The following CTTN variants were observed in gnomAD, a reference collection of about 807,000 sequenced individuals.
CTTN encodes src substrate cortactin.
In CTTN, 28 loss-of-function variants were observed where a neutral mutation model predicts 84.0. The ratio of observed to expected loss-of-function variants is 0.33; its 90% CI spans 0.25 to 0.46. The LOEUF (loss-of-function observed/expected upper bound fraction) is 0.46. CTTN is among the 20% of genes least tolerant of loss of function. CTTN has a pLI of 1.00. For missense variants in CTTN, 641 were observed against 723.8 expected, an observed-to-expected ratio of 0.89 and a Z score of 1.31; for synonymous variants, 301 against 288.8, an observed-to-expected ratio of 1.04 and a Z score of -0.43.
chr11:70,407,868 G>A (rs534467189), intron 4 of CTTN: 30 of 412,746 alleles, frequency 7.3e-5, no homozygotes, highest in African/African-American at 5.4e-4. Flanking sequence ...TAGAGTGTCC[G>A]CTTCTCAGTA....
Position 70,405,377 on chromosome 11 carries a change from G to C in CTTN, c.-1+16G>C, listed in dbSNP as rs1164675144. On this transcript the variant is annotated intron_variant, in intron 2 of 17. Transcript: ENST00000301843. ...GGAAAGAAAGGTACTTGTGCATTGT[G>C]AACATCCTAACATTCTTTTCCTGTG... 2 of 152,202 alleles carry C rather than the reference G, an allele frequency of 1.3e-5. No individual in the cohort carries two copies. The highest frequency in any genetic ancestry group is 4.8e-5 in the African/African-American group (2 of 41,448). 9.4% of individuals were successfully genotyped at this position (152,202 alleles called of 1,614,324 possible). A position where few individuals can be genotyped will look rare whatever the true frequency, so the allele number is the denominator to read the frequency against.
chr11:70,415,147 G>T (rs761291790), intron 6 of CTTN, among the ~76,000 whole-genome samples: 3 of 152,178 alleles, frequency 2.0e-5, no homozygotes, highest in Non-Finnish European at 4.4e-5. Context: ...GGAGGGAGCA[G>T]GGAGCTGATG....
chr11:70,429,658 GC>G (rs1420146500), intron 14 of CTTN, among the ~76,000 whole-genome samples: 2 of 152,098 alleles, frequency 1.3e-5, no homozygotes, highest in Non-Finnish European at 2.9e-5. Flanking sequence ...TGCTTGGCCA[GC>G]CCAGCCCCGC....
At chr11:70,430,908 G>A (rs897193006) in intron 14 of CTTN, among the ~76,000 whole-genome samples, 1 of 151,950 alleles carries the variant, frequency 6.6e-6, no homozygotes, top group African/African-American at 2.4e-5. Flanking sequence ...CTAGGTGCTG[G>A]TGGGATCTGA....
At chr11:70,418,709 A>G (rs1441065966) in intron 8 of CTTN, among the ~76,000 whole-genome samples, 1 of 150,906 alleles carries the variant, frequency 6.6e-6, no homozygotes. Flanking sequence ...CTTATCATAA[A>G]CTCTCATCTC....
intron 1 of CTTN, among the ~76,000 whole-genome samples, chr11:70,398,910 A>T (rs1325726775): frequency 6.9e-6 from 1 of 144,870 alleles, no homozygotes; most frequent in Non-Finnish European, 1.5e-5. Context: ...AAGGTTAGAA[A>T]GGGGCCAAAT....
At chr11:70,400,192 G>T (rs1020590666) in intron 1 of CTTN, among the ~76,000 whole-genome samples, 2 of 152,182 alleles carry the variant, frequency 1.3e-5, no homozygotes, top group African/African-American at 4.8e-5. Flanking sequence ...CTGGGGCAGG[G>T]GTGCGGTGGC....
intron 1 of CTTN, among the ~76,000 whole-genome samples, chr11:70,399,353 G>A (rs1362490319): frequency 1.3e-5 from 2 of 151,110 alleles, no homozygotes; most frequent in Non-Finnish European, 3.0e-5. Context: ...GGGGATTGGG[G>A]CTCCAGGGGA....
chr11:70,411,329 G>A (rs1332451293), intron 5 of CTTN, among the ~76,000 whole-genome samples: 3 of 120,300 alleles, frequency 2.5e-5, no homozygotes, highest in Non-Finnish European at 5.2e-5. Context: ...TGCAGCGAGC[G>A]AAGCGTGTGC....
intron 15 of CTTN, among the ~76,000 whole-genome samples, chr11:70,432,555 T>C (rs1386091572): frequency 2.6e-5 from 4 of 152,146 alleles, no homozygotes; most frequent in African/African-American, 9.7e-5. Context: ...GAAGCGGCAG[T>C]GGTTATAGAT....
intron 13 of CTTN, 32 bp from the exon 14 acceptor site, chr11:70,429,019 C>T: frequency 6.2e-7 from 1 of 1,612,902 alleles, no homozygotes; most frequent in East Asian, 2.2e-5. Context: ...TTGCTGTGCT[C>T]AAGGCACACG....
chr11:70,423,480 CA>C (rs1565496467), intron 12 of CTTN, among the ~76,000 whole-genome samples: 1 of 152,226 alleles, frequency 6.6e-6, no homozygotes, highest in Admixed American at 6.5e-5. Context: ...GGCCTGTGGT[CA>C]GGGGTGGCAG....
chr11:70,435,555 G>C lies in CTTN; in HGVS notation c.*393G>C. On this transcript the variant is annotated 3_prime_UTR_variant, in exon 18 of 18. Coordinates refer to ENST00000301843, the MANE Select transcript of CTTN (RefSeq NM_005231.4). ...CTCCCAGGACAAGCACGAGGCCTCA[G>C]GTCGGCCCTGTGGCGGGTAGGCAGG... 1 of 1,576,390 alleles carries C rather than the reference G, an allele frequency of 6.3e-7. No individual in the cohort carries two copies.
chr11:70,399,845 T>G, intron 1 of CTTN, among the ~76,000 whole-genome samples: 1 of 152,108 alleles, frequency 6.6e-6, no homozygotes, highest in East Asian at 1.9e-4. Flanking sequence ...CTGCGCAGGC[T>G]CTGTCGGGGG....
At chr11:70,420,062 C>T (rs2135576809) in intron 9 of CTTN, 1 of 605,264 alleles carries the variant, frequency 1.7e-6, no homozygotes, top group East Asian at 2.8e-5. Context: ...CGCTCCAGCC[C>T]CAGCGGCGTT....
At chr11:70,422,410 G>C in intron 11 of CTTN, 1 of 966,296 alleles carries the variant, frequency 1.0e-6, no homozygotes, top group Non-Finnish European at 1.4e-6. Flanking sequence ...TGGCATCACT[G>C]CTGCATGACA....
intron 1 of CTTN, among the ~76,000 whole-genome samples, chr11:70,402,245 A>G (rs2057995201): frequency 6.6e-6 from 1 of 152,222 alleles, no homozygotes; most frequent in African/African-American, 2.4e-5. Flanking sequence ...TTGTACACTG[A>G]CGTTTGCAAG....
At chr11:70,403,158 C>T (rs1475253185) in intron 1 of CTTN, among the ~76,000 whole-genome samples, 2 of 144,086 alleles carry the variant, frequency 1.4e-5, no homozygotes, top group African/African-American at 2.6e-5. Flanking sequence ...TGGGGTTATT[C>T]GTCCTTTTTA....
At chr11:70,418,628 C>T (rs1442984301) in intron 8 of CTTN, among the ~76,000 whole-genome samples, 1 of 152,144 alleles carries the variant, frequency 6.6e-6, no homozygotes, top group Non-Finnish European at 1.5e-5. Context: ...CTGGCATCCC[C>T]CTGCGTGCTT....
Sources: allele counts gnomAD v4.1 joint callset (sites outside exome capture counted in the v4.1 genomes callset), GRCh38; gene constraint gnomAD v4.1.1; transcripts MANE v1.5; gene names NCBI Gene and HGNC (gene_info 2026-07-23, HGNC 2026-07-21).